The following FLT1 variants were observed in gnomAD, a reference collection of about 807,000 sequenced individuals.
The protein encoded by FLT1 is fms related receptor tyrosine kinase 1.
A neutral mutation model predicts 156.3 loss-of-function variants in FLT1; 49 were observed. That is an observed-to-expected ratio of 0.31 (90% CI 0.25 to 0.40). FLT1 has a LOEUF of 0.40. Ranked by LOEUF, FLT1 falls within the 10% of genes least tolerant of loss-of-function variation. The pLI, the probability that FLT1 is intolerant of heterozygous loss-of-function variation, is 1.00. For missense variants in FLT1, 1,322 were observed against 1,637.2 expected (o/e 0.81, Z 3.32); for synonymous variants, 594 against 583.8 (o/e 1.02, Z -0.25).
At chr13:28,481,186 A>G (rs1008955124) in intron 1 of FLT1, among the ~76,000 whole-genome samples, 4 of 152,192 alleles carry the variant, frequency 2.6e-5, no homozygotes, top group African/African-American at 9.6e-5. Flanking sequence ...GCCAGTTAAC[A>G]GTCTCCCAGC....
At chr13:28,462,029 C>G (rs1879605808) in intron 3 of FLT1, among the ~76,000 whole-genome samples, 1 of 152,060 alleles carries the variant, frequency 6.6e-6, no homozygotes, top group Non-Finnish European at 1.5e-5. Flanking sequence ...CCACCCAGCC[C>G]CATCATTTTG....
intron 13 of FLT1, 22 bp downstream of exon 13, chr13:28,389,774 G>C: frequency 6.2e-7 from 1 of 1,614,082 alleles, no homozygotes; most frequent in Non-Finnish European, 8.5e-7. Context: ...AGAGAAAACA[G>C]CCTTTTTGTT....
intron 10 of FLT1, among the ~76,000 whole-genome samples, chr13:28,412,853 C>A (rs897955880): frequency 6.6e-6 from 1 of 151,702 alleles, no homozygotes; most frequent in East Asian, 1.9e-4. Flanking sequence ...AGAGCCACCA[C>A]GGCCGGCCAC....
At chr13:28,494,049 C>T (rs1881608554) in intron 1 of FLT1, among the ~76,000 whole-genome samples, 1 of 152,244 alleles carries the variant, frequency 6.6e-6, no homozygotes, top group Non-Finnish European at 1.5e-5. Flanking sequence ...CGCCTGCTCC[C>T]GGCAGAGGCC....
rs753144948 is a variant in FLT1, at chr13:28,427,292, C to T, written c.1303G>A (p.Val435Met). 8 of 1,613,866 alleles carry T rather than the reference C, an allele frequency of 5.0e-6. No individual in the cohort carries two copies. The highest frequency in any genetic ancestry group is 1.7e-5 in the Admixed American group (1 of 59,994). The change falls in exon 10 of 30, where the codon GTG (valine) becomes ATG (methionine). Residue 435 changes from valine (V) to methionine (M), a missense_variant. Coordinates refer to ENST00000282397, the MANE Select transcript of FLT1 (RefSeq NM_002019.4). ...AGAGCCGGGTCTGGAAACGATGACA[C>T]GGCCTTTTCGTAAATCTGGGGTTTC... ...NVKPQIYEKAVSSFPDPALYP... is the reference protein window; with the variant it reads ...NVKPQIYEKAMSSFPDPALYP...
chr13:28,486,403 A>G (rs1282914306), intron 1 of FLT1, among the ~76,000 whole-genome samples: 3 of 152,366 alleles, frequency 2.0e-5, no homozygotes, highest in Non-Finnish European at 4.4e-5. Context: ...TGGGAGCCAT[A>G]CTGATCCCAG....
chr13:28,332,336 T>C (rs1871963809), intron 18 of FLT1, among the ~76,000 whole-genome samples: 1 of 152,152 alleles, frequency 6.6e-6, no homozygotes, highest in African/African-American at 2.4e-5. Flanking sequence ...CAGCTTGCTG[T>C]ATTTATAGGC....
intron 4 of FLT1, among the ~76,000 whole-genome samples, chr13:28,435,901 T>C (rs1323900174): frequency 6.6e-6 from 1 of 152,210 alleles, no homozygotes; most frequent in African/African-American, 2.4e-5. Context: ...TCTCTTCTAA[T>C]TTAGTGCAAG....
intron 11 of FLT1, among the ~76,000 whole-genome samples, chr13:28,404,888 C>CAG (rs1875687443): frequency 6.6e-6 from 1 of 151,826 alleles, no homozygotes; most frequent in African/African-American, 2.4e-5. Context: ...GGTGTGATGG[C>CAG]AGGTGCCTGT....
At chr13:28,374,736 A>T (rs1032446114) in intron 14 of FLT1, among the ~76,000 whole-genome samples, 5 of 151,936 alleles carry the variant, frequency 3.3e-5, no homozygotes, top group Non-Finnish European at 7.4e-5. Flanking sequence ...GATGGTCTCG[A>T]TCTCCTGACC....
rs1310169100 is a variant in FLT1 at position 28,439,547 on chromosome 13, C to A, written c.389-1202G>T. 1.6e-4 allele frequency among the ~76,000 whole-genome samples: 25 copies of A among 152,224 alleles called. No individual in the cohort carries two copies. Among genetic ancestry groups the A allele is most frequent in the Non-Finnish European group, 8.8e-5 (6 of 68,046 alleles). On this transcript the variant is annotated intron_variant, in intron 3 of 29. Coordinates refer to ENST00000282397, the MANE Select transcript of FLT1 (RefSeq NM_002019.4). The surrounding 1 kb of genome is among the most constrained non-coding windows in gnomAD (Gnocchi z 4.1). ...CCAAAACGATATGCTGAAGTCCTAACCCCCCTGTACTTCTGAATGTAACCT... is the reference window on the plus strand; with the variant it reads ...CCAAAACGATATGCTGAAGTCCTAAACCCCCTGTACTTCTGAATGTAACCT...
chr13:28,465,001 T>C (rs1228897998), intron 3 of FLT1, among the ~76,000 whole-genome samples: 1 of 152,216 alleles, frequency 6.6e-6, no homozygotes, highest in Non-Finnish European at 1.5e-5. Context: ...TGCAGTGTTT[T>C]CCTTTCTCCA....
intron 1 of FLT1, among the ~76,000 whole-genome samples, chr13:28,476,909 G>T (rs559190812): frequency 1.5e-3 from 214 of 147,354 alleles, no homozygotes; most frequent in Non-Finnish European, 2.6e-3. Flanking sequence ...AGGTTTTGTA[G>T]CTCTTGGCAC....
chr13:28,387,120 G>A, intron 13 of FLT1: 1 of 1,035,774 alleles, frequency 9.7e-7, no homozygotes, highest in Non-Finnish European at 1.2e-6. Context: ...GAATCCCAAA[G>A]GCCTTATTTG....
chr13:28,346,752 T>C (rs1219959903), intron 15 of FLT1, among the ~76,000 whole-genome samples: 3 of 152,112 alleles, frequency 2.0e-5, no homozygotes, highest in Admixed American at 1.3e-4. Context: ...GACAGATAGA[T>C]GTTTATATTA....
At chr13:28,387,116 C>A in intron 13 of FLT1, 1 of 1,036,166 alleles carries the variant, frequency 9.7e-7, no homozygotes, top group Non-Finnish European at 1.2e-6. Flanking sequence ...TTAAGAATCC[C>A]AAAGGCCTTA....
intron 14 of FLT1, among the ~76,000 whole-genome samples, chr13:28,359,512 C>A (rs1873029681): frequency 6.6e-6 from 1 of 152,076 alleles, no homozygotes; most frequent in Admixed American, 6.6e-5. Context: ...AAAGCACAGG[C>A]AACGAAAGCA....
intron 13 of FLT1, chr13:28,388,054 T>C (rs1874473876): frequency 9.4e-7 from 1 of 1,058,946 alleles, no homozygotes; most frequent in African/African-American, 1.6e-5. Context: ...TTAGCAACTA[T>C]TAAGGCCCCC....
intron 3 of FLT1, chr13:28,466,607 C>T: frequency 2.5e-6 from 1 of 404,834 alleles, no homozygotes; most frequent in East Asian, 4.8e-5. Context: ...AACTAAAATC[C>T]TTTTATTCAC....
Sources: allele counts gnomAD v4.1 joint callset (sites outside exome capture counted in the v4.1 genomes callset), GRCh38; gene constraint gnomAD v4.1.1; non-coding constraint Gnocchi (gnomAD v3.1); transcripts MANE v1.5; gene names NCBI Gene and HGNC (gene_info 2026-07-23, HGNC 2026-07-21).